GPHN: variants seen among roughly 807,000 people sequenced by gnomAD.
GPHN encodes gephyrin.
A neutral mutation model predicts 95.5 loss-of-function variants in GPHN; 17 were observed. The ratio of observed to expected loss-of-function variants is 0.18; its 90% CI spans 0.12 to 0.27. The LOEUF is 0.27. GPHN is among the 10% of genes least tolerant of loss of function. The pLI is 1.00. For missense variants in GPHN, 660 were observed against 978.1 expected (o/e 0.67, Z 4.34); for synonymous variants, 320 against 322.5 (o/e 0.99, Z 0.08).
At chr14:67,473,564 G>A in the GPHN span, 23 of 1,613,028 alleles carry the variant, frequency 1.4e-5, no homozygotes, top group African/African-American at 8.0e-5. The surrounding 1 kb of genome is among the most constrained non-coding windows in gnomAD (Gnocchi z 6.5). Flanking sequence ...AGGGCACGGC[G>A]TACTCCAGGG....
the GPHN span, among the ~76,000 whole-genome samples, chr14:67,517,489 GT>G: frequency 6.6e-6 from 1 of 152,158 alleles, no homozygotes; most frequent in Admixed American, 6.5e-5. Flanking sequence ...AAAGAAAAAT[GT>G]TTTAATATAT....
intron 1 of GPHN, among the ~76,000 whole-genome samples, chr14:66,569,727 T>TTA (rs1290930130): frequency 1.6e-5 from 2 of 127,808 alleles, no homozygotes; most frequent in Non-Finnish European, 1.5e-5. Context: ...ACATGTTTTG[T>TTA]TACATATATA....
chr14:67,706,400 G>A, the GPHN span: 1 of 152,140 alleles, frequency 6.6e-6, no homozygotes, highest in Non-Finnish European at 1.5e-5. Flanking sequence ...CACAGCCTTC[G>A]GAGGGCCTGA....
intron 9 of GPHN, among the ~76,000 whole-genome samples, chr14:66,988,484 C>T (rs1363533535): frequency 6.6e-6 from 1 of 151,996 alleles, no homozygotes; most frequent in Non-Finnish European, 1.5e-5. Flanking sequence ...CATAGGTAAT[C>T]TGGCAAGTAG....
chr14:66,804,959 G>T (rs1007193562), intron 3 of GPHN, among the ~76,000 whole-genome samples: 2 of 152,164 alleles, frequency 1.3e-5, no homozygotes, highest in African/African-American at 2.4e-5. Context: ...TTTGTGTAAT[G>T]CTCTGTGTGT....
chr14:67,479,933 G>A, the GPHN span, among the ~76,000 whole-genome samples: 1 of 152,142 alleles, frequency 6.6e-6, no homozygotes, highest in Non-Finnish European at 1.5e-5. Flanking sequence ...AGGGACCCCA[G>A]ATGATCCTAA....
intron 2 of GPHN, among the ~76,000 whole-genome samples, chr14:66,774,967 C>G (rs1031077944): frequency 6.6e-6 from 1 of 151,950 alleles, no homozygotes; most frequent in African/African-American, 2.4e-5. Flanking sequence ...TAAAACATGC[C>G]TTTTCTCTGA....
At chr14:67,706,471 G>A in the GPHN span, among the ~76,000 whole-genome samples, 1 of 152,284 alleles carries the variant, frequency 6.6e-6, no homozygotes, top group Non-Finnish European at 1.5e-5. Context: ...GGAGACACGG[G>A]ACATCAATCA....
intron 8 of GPHN, among the ~76,000 whole-genome samples, chr14:66,929,202 C>T (rs1478219135): frequency 1.3e-5 from 2 of 151,752 alleles, no homozygotes; most frequent in East Asian, 1.9e-4. Context: ...ATTACAGGCA[C>T]GCGCCACCGT....
At chr14:67,364,579 T>C in the GPHN span, 1 of 545,454 alleles carries the variant, frequency 1.8e-6, no homozygotes, top group South Asian at 2.7e-5. Context: ...AAAATAAAAA[T>C]TAAAGCTTGG....
chr14:67,619,410 C>A, the GPHN span, among the ~76,000 whole-genome samples: 5 of 152,226 alleles, frequency 3.3e-5, no homozygotes, highest in African/African-American at 1.2e-4. Context: ...TATATTATAT[C>A]TCCGAATCCA....
Position 67,053,171 on chromosome 14 carries a change from G to GTTT in GPHN, c.1007-5477_1007-5475dup, listed in dbSNP as rs201281425. Among the ~76,000 whole-genome samples, 115 of 118,592 alleles carry GTTT rather than the reference G, an allele frequency of 9.7e-4. 1 individual carries two copies. Among genetic ancestry groups the GTTT allele is most frequent in the African/African-American group, 3.3e-3 (78 of 23,308 alleles). The allele number at this position is 118,592 out of a possible 152,430, so 77.8% of individuals were successfully genotyped here. A position where few individuals can be genotyped will look rare whatever the true frequency, so the allele number is the denominator to read the frequency against. On this transcript the variant is annotated intron_variant, in intron 10 of 22. Transcript: ENST00000478722. ...AAAAAATCAATGAATCTAGGAGCTGGTTTGTTTTTTTTTTTTTTGGAAAAA... is the reference window on the plus strand; with the variant it reads ...AAAAAATCAATGAATCTAGGAGCTGGTTTTTTGTTTTTTTTTTTTTTGGAAAAA...
At chr14:67,070,424 G>C (rs892884293) in intron 11 of GPHN, among the ~76,000 whole-genome samples, 1 of 149,256 alleles carries the variant, frequency 6.7e-6, no homozygotes, top group Non-Finnish European at 1.5e-5. Context: ...CCGGCCGGGC[G>C]CGGTGGCTCA....
the GPHN span, chr14:67,647,140 T>C: frequency 2.5e-5 from 18 of 709,486 alleles, no homozygotes; most frequent in Middle Eastern, 2.9e-3. Flanking sequence ...ATACACATAA[T>C]TTTAAATAGT....
chr14:67,559,777 A>G, the GPHN span: 4 of 843,066 alleles, frequency 4.7e-6, no homozygotes, highest in Non-Finnish European at 8.0e-6. Context: ...CCTACTGTCT[A>G]GGGTGCCTCG....
chr14:67,408,359 A>AAAATAAAATAAAATAAAATAAAAT, the GPHN span, among the ~76,000 whole-genome samples: 20 of 134,052 alleles, frequency 1.5e-4, no homozygotes, highest in African/African-American at 5.6e-4. Context: ...TAAAATAAAA[A>AAAATAAAATAAAATAAAATAAAAT]AAGAAAAAAC....
the GPHN span, among the ~76,000 whole-genome samples, chr14:67,684,080 ACT>A: frequency 4.0e-5 from 6 of 151,602 alleles, no homozygotes; most frequent in South Asian, 2.1e-4. Context: ...ACTTTCTGAA[ACT>A]CTCTCTCTCA....
intron 11 of GPHN, among the ~76,000 whole-genome samples, chr14:67,086,862 C>T (rs919354422): frequency 1.3e-5 from 2 of 150,818 alleles, no homozygotes; most frequent in Non-Finnish European, 2.9e-5. Context: ...CACGGTGAAA[C>T]CCCATCTCTA....
intron 2 of GPHN, among the ~76,000 whole-genome samples, chr14:66,727,253 A>G (rs1315722828): frequency 1.3e-5 from 2 of 152,252 alleles, no homozygotes; most frequent in African/African-American, 2.4e-5. Flanking sequence ...TCTTAAGTCC[A>G]TTAAATCTCT....
Sources: gnomAD v4.1 joint callset for allele counts (sites outside exome capture counted in the v4.1 genomes callset) on GRCh38, gnomAD v4.1.1 for gene constraint, Gnocchi (gnomAD v3.1) non-coding constraint, MANE v1.5 for transcripts, NCBI Gene and HGNC (gene_info 2026-07-23, HGNC 2026-07-21) for gene names.